Variants in NELL1 observed in about 807,000 individuals in gnomAD.
NELL1 encodes the protein protein kinase C-binding protein NELL1.
NELL1 carries 76 observed loss-of-function variants against 107.4 expected under a neutral mutation model. The ratio of observed to expected loss-of-function variants is 0.71; its 90% CI spans 0.59 to 0.86. The LOEUF (loss-of-function observed/expected upper bound fraction) is 0.86, where lower values mean the gene tolerates loss of function less well. Ranked by LOEUF, NELL1 falls within the 40% of genes least tolerant of loss-of-function variation. The probability of loss-of-function intolerance (pLI) is 0.00; values close to 1 mark genes in which losing one functional copy is unlikely to be tolerated. For synonymous variants in NELL1, 353 were observed against 341.2 expected, an observed-to-expected ratio of 1.03 and a Z score of -0.38; for missense variants, 1,024 against 1,005.5, an observed-to-expected ratio of 1.02 and a Z score of -0.25.
At chr11:20,955,972 G>C (rs1164508133) in intron 11 of NELL1, among the ~76,000 whole-genome samples, 1 of 152,126 alleles carries the variant, frequency 6.6e-6, no homozygotes, top group Non-Finnish European at 1.5e-5. Context: ...TATAATCCCA[G>C]CACTTTGGGA....
intron 4 of NELL1, among the ~76,000 whole-genome samples, chr11:20,881,714 G>GT (rs200190268): frequency 4.4e-4 from 65 of 147,558 alleles, no homozygotes; most frequent in Non-Finnish European, 4.7e-4. Context: ...ATTCTGTTTT[G>GT]TTTTTTTTTT....
At position 21,515,876 on chromosome 11, in the gene NELL1, C is replaced by T. The variant is rs140202384; in HGVS notation, c.1646-18498C>T. 4.1e-3 allele frequency among the ~76,000 whole-genome samples: 627 copies of T among 152,306 alleles called. 3 individuals carry two copies. Among genetic ancestry groups the T allele is most frequent in the African/African-American group, 0.014 (597 of 41,562 alleles). On this transcript the variant is annotated intron_variant, in intron 15 of 19. Coordinates refer to ENST00000357134, the MANE Select transcript of NELL1 (RefSeq NM_006157.5). ...AGTTGAGGAGGTAGAGCAAATGAAG[C>T]TCTAATGAGCTGAACGAGTAGCTTC...
At chr11:20,687,401 T>C (rs987421834) in intron 2 of NELL1, among the ~76,000 whole-genome samples, 2 of 152,054 alleles carry the variant, frequency 1.3e-5, no homozygotes, top group Non-Finnish European at 2.9e-5. Context: ...TATGACTATG[T>C]ATTTTTGTTT....
chr11:20,855,685 A>G lies in NELL1; in HGVS notation c.506+7932A>G, dbSNP rs531081102. Among the ~76,000 whole-genome samples the G allele has an allele frequency of 7.9e-5, 12 of 152,318 alleles. No individual in the cohort carries two copies. In the East Asian group the frequency reaches 1.9e-3, roughly 24 times the overall value. The stretch of plus-strand genomic sequence containing the variant: ...TTTACTCTATTTTTGATGGATATGC[A>G]TGGTTATTTTTTAAAGAGAAAAGCA... On this transcript the variant is annotated intron_variant, in intron 4 of 19. Transcript: ENST00000357134.
intron 14 of NELL1, among the ~76,000 whole-genome samples, chr11:21,345,828 G>A (rs1367800409): frequency 2.0e-5 from 3 of 152,092 alleles, no homozygotes; most frequent in Non-Finnish European, 2.9e-5. Flanking sequence ...ACAGCCTTAT[G>A]TATGAGATCT....
chr11:21,178,696 C>G (rs1252591930), intron 13 of NELL1, among the ~76,000 whole-genome samples: 3 of 150,328 alleles, frequency 2.0e-5, no homozygotes, highest in African/African-American at 7.4e-5. Context: ...CCCAAGAGAT[C>G]AAGGTTGCAG....
At chr11:21,489,316 T>G (rs1187751118) in intron 15 of NELL1, among the ~76,000 whole-genome samples, 27 of 132,008 alleles carry the variant, frequency 2.0e-4, no homozygotes, top group African/African-American at 7.4e-4. Flanking sequence ...CAGGACCTGG[T>G]GGATTCACAG....
chr11:21,010,391 T>A (rs1387463054), intron 12 of NELL1, among the ~76,000 whole-genome samples: 1 of 152,118 alleles, frequency 6.6e-6, no homozygotes, highest in Non-Finnish European at 1.5e-5. Flanking sequence ...TGTCTCCTTC[T>A]CTTTCCAAGT....
intron 14 of NELL1, among the ~76,000 whole-genome samples, chr11:21,367,294 AC>A (rs1851248898): frequency 1.3e-5 from 2 of 149,014 alleles, no homozygotes; most frequent in Non-Finnish European, 3.0e-5. Flanking sequence ...ACACACACAC[AC>A]ACACACAATC....
chr11:20,919,932 G>T (rs775486901), intron 7 of NELL1, among the ~76,000 whole-genome samples: 1 of 152,026 alleles, frequency 6.6e-6, no homozygotes, highest in African/African-American at 2.4e-5. Context: ...AGGACCTGCC[G>T]TTTGCTGGGC....
intron 2 of NELL1, among the ~76,000 whole-genome samples, chr11:20,729,867 G>A (rs142224888): frequency 1.1e-3 from 172 of 152,284 alleles, no homozygotes; most frequent in African/African-American, 4.0e-3. Context: ...AGCCAATGGG[G>A]AGGAAATTGG....
chr11:21,134,178 T>C (rs1390871084), intron 13 of NELL1, among the ~76,000 whole-genome samples: 1 of 152,236 alleles, frequency 6.6e-6, no homozygotes, highest in East Asian at 1.9e-4. Context: ...TCTGTTTTAG[T>C]GCTTCTGAAA....
intron 13 of NELL1, among the ~76,000 whole-genome samples, chr11:21,222,738 C>T (rs752833831): frequency 1.5e-4 from 23 of 152,170 alleles, no homozygotes; most frequent in Middle Eastern, 3.4e-3. Flanking sequence ...TTTCTGTTTT[C>T]CTTTGTTTCA....
intron 2 of NELL1, among the ~76,000 whole-genome samples, chr11:20,701,187 T>C (rs557208191): frequency 2.0e-4 from 30 of 152,200 alleles, no homozygotes; most frequent in Non-Finnish European, 4.0e-4. Context: ...CTTGTCTTTT[T>C]AATAATTGCC....
chr11:21,322,366 T>C (rs893505935), intron 14 of NELL1, among the ~76,000 whole-genome samples: 2 of 152,120 alleles, frequency 1.3e-5, no homozygotes, highest in African/African-American at 4.8e-5. Flanking sequence ...GATTCTGAGT[T>C]TATGAGTTTA....
At chr11:20,886,961 C>A (rs2134109385) in intron 5 of NELL1, among the ~76,000 whole-genome samples, 1 of 152,208 alleles carries the variant, frequency 6.6e-6, no homozygotes, top group South Asian at 2.1e-4. Flanking sequence ...AGATAAAGAA[C>A]CATTTCTTTA....
intron 2 of NELL1, among the ~76,000 whole-genome samples, chr11:20,699,034 T>C (rs750999033): frequency 3.9e-5 from 6 of 151,992 alleles, no homozygotes; most frequent in Non-Finnish European, 7.4e-5. Context: ...CTGGCCAACA[T>C]GGTGAAACCC....
chr11:20,819,266 T>C (rs187354986), intron 3 of NELL1, among the ~76,000 whole-genome samples: 5 of 152,132 alleles, frequency 3.3e-5, no homozygotes, highest in African/African-American at 4.8e-5. Context: ...AGCGGCAGAG[T>C]CTTGGACCCC....
At chr11:21,091,599 T>A (rs1248467767) in intron 12 of NELL1, among the ~76,000 whole-genome samples, 1 of 152,214 alleles carries the variant, frequency 6.6e-6, no homozygotes, top group South Asian at 2.1e-4. Context: ...ATATTCACCA[T>A]ACGTCTTATC....
Sources: gnomAD v4.1 joint callset for allele counts (sites outside exome capture counted in the v4.1 genomes callset) on GRCh38, gnomAD v4.1.1 for gene constraint, MANE v1.5 for transcripts, NCBI Gene and HGNC (gene_info 2026-07-23, HGNC 2026-07-21) for gene names.